The following MIER1 variants were observed in gnomAD, a reference collection of about 807,000 sequenced individuals.
The protein encoded by MIER1 is MIER1 transcriptional regulator, also known as mesoderm induction early response protein 1.
MIER1 carries 40 observed loss-of-function variants against 75.7 expected under a neutral mutation model. The observed-to-expected ratio is 0.53, with a 90% confidence interval of 0.41 to 0.69. MIER1 has a LOEUF of 0.69. Ranked by LOEUF, MIER1 falls within the 30% of genes least tolerant of loss-of-function variation. The probability of loss-of-function intolerance (pLI) is 0.00; values close to 1 mark genes in which losing one functional copy is unlikely to be tolerated. For missense variants in MIER1, 574 were observed against 680.2 expected, an observed-to-expected ratio of 0.84 and a Z score of 1.74; for synonymous variants, 213 against 223.4, an observed-to-expected ratio of 0.95 and a Z score of 0.42.
chr1:66,986,503 A>T lies in MIER1; in HGVS notation c.*1603A>T, dbSNP rs1227603455. 6.8e-7 allele frequency: 1 copy of T among 1,477,296 alleles called. No individual in the cohort carries two copies. Among genetic ancestry groups the T allele is most frequent in the South Asian group, 1.1e-5 (1 of 87,964 alleles). The allele number at this position is 1,477,296 out of a possible 1,614,324, so 91.5% of individuals were successfully genotyped here. A position where few individuals can be genotyped will look rare whatever the true frequency, so the allele number is the denominator to read the frequency against. Reference sequence around the variant, plus strand: ...TCTGTGGTCTTGTTTTTAATGGCTCAACTGTCTGATGTAATTGAGTGAAGG... The same window carrying T: ...TCTGTGGTCTTGTTTTTAATGGCTCTACTGTCTGATGTAATTGAGTGAAGG... On this transcript the variant is annotated 3_prime_UTR_variant, in exon 14 of 14. Transcript: ENST00000401041.
intron 3 of MIER1, among the ~76,000 whole-genome samples, chr1:66,945,006 T>G (rs929859551): frequency 1.3e-5 from 2 of 152,062 alleles, no homozygotes; most frequent in African/African-American, 4.8e-5. Flanking sequence ...TATTAAAGCA[T>G]GAGCAACTAC....
intron 8 of MIER1, among the ~76,000 whole-genome samples, chr1:66,967,060 G>A (rs1055822762): frequency 6.6e-6 from 1 of 152,098 alleles, no homozygotes. Flanking sequence ...TGCTTGTGGG[G>A]TATTATTCAG....
At chr1:66,936,351 C>G (rs1654835486) in intron 2 of MIER1, among the ~76,000 whole-genome samples, 3 of 151,362 alleles carry the variant, frequency 2.0e-5, no homozygotes, top group African/African-American at 7.3e-5. Context: ...TCCCAAGTAG[C>G]TGGGATTACA....
chr1:66,952,769 G>T (rs1404247922), intron 4 of MIER1, among the ~76,000 whole-genome samples: 1 of 152,180 alleles, frequency 6.6e-6, no homozygotes, highest in Non-Finnish European at 1.5e-5. Context: ...AGCCCCCCTA[G>T]TAGCTGGGAC....
chr1:66,957,607 T>TTC (rs1660418463), intron 4 of MIER1, among the ~76,000 whole-genome samples: 1 of 110,262 alleles, frequency 9.1e-6, no homozygotes, highest in East Asian at 2.7e-4. Flanking sequence ...TTTTTTTTTT[T>TTC]CATGTGTTCG....
At chr1:66,930,287 C>T in intron 2 of MIER1, 1 of 1,548,908 alleles carries the variant, frequency 6.5e-7, no homozygotes, top group African/African-American at 1.4e-5. Context: ...GCGGGAGCGG[C>T]AGAGACGGCA....
At chr1:66,927,923 G>T (rs1286263402) in intron 2 of MIER1, among the ~76,000 whole-genome samples, 1 of 151,996 alleles carries the variant, frequency 6.6e-6, no homozygotes, top group Non-Finnish European at 1.5e-5. Context: ...ATACTGAAGA[G>T]GGTAAGTAAG....
At position 66,972,589 on chromosome 1, in the gene MIER1, C is replaced by T. The variant is rs186476564; in HGVS notation, c.1007-308C>T. ...TTCTAAGCAAAGGAGAGACACCATG[C>T]ACAAAGTCTGAAGTAAGAAAGAACA... On this transcript the variant is annotated intron_variant, in intron 10 of 13. Coordinates refer to ENST00000401041, the MANE Select transcript of MIER1 (RefSeq NM_001077700.3). Among the ~76,000 whole-genome samples, 29 of 152,012 alleles carry T rather than the reference C, an allele frequency of 1.9e-4. 1 individual carries two copies. The East Asian group carries it at 3.1e-3, about 16-fold the overall frequency.
At chr1:66,953,659 A>G (rs1188942726) in intron 4 of MIER1, among the ~76,000 whole-genome samples, 4 of 149,384 alleles carry the variant, frequency 2.7e-5, no homozygotes, top group African/African-American at 9.9e-5. Context: ...GCTGGAGTGC[A>G]GTGACACAAT....
chr1:66,944,492 A>AAC (rs1657012432), intron 3 of MIER1, among the ~76,000 whole-genome samples: 1 of 151,408 alleles, frequency 6.6e-6, no homozygotes, highest in African/African-American at 2.4e-5. Context: ...CAGACTATGT[A>AAC]TGCCCAGCCT....
Position 66,985,268 on chromosome 1 carries a change from T to G in MIER1, c.*368T>G. Reference sequence around the variant, plus strand: ...ATCATAAAATTTCACTACAAGGTAATTTTTGCTTAGTTTGATGGATGAATG... The same window carrying G: ...ATCATAAAATTTCACTACAAGGTAAGTTTTGCTTAGTTTGATGGATGAATG... On this transcript the variant is annotated 3_prime_UTR_variant, in exon 14 of 14. Coordinates refer to ENST00000401041, the MANE Select transcript of MIER1 (RefSeq NM_001077700.3). 10 of 980,264 alleles carry G rather than the reference T, an allele frequency of 1.0e-5. No homozygotes were observed. Among genetic ancestry groups the G allele is most frequent in the Non-Finnish European group, 1.2e-5 (10 of 824,964 alleles). 60.7% of individuals were successfully genotyped at this position (980,264 alleles called of 1,614,324 possible).
chr1:66,964,398 T>C (rs1244360239), intron 8 of MIER1, among the ~76,000 whole-genome samples: 1 of 151,500 alleles, frequency 6.6e-6, no homozygotes, highest in Non-Finnish European at 1.5e-5. Flanking sequence ...AGAGTCTGTT[T>C]CAGATTATTC....
At chr1:66,983,565 T>G (rs143323736) in intron 13 of MIER1, among the ~76,000 whole-genome samples, 1 of 152,360 alleles carries the variant, frequency 6.6e-6, no homozygotes, top group East Asian at 1.9e-4. Context: ...ATTTTGCTTT[T>G]ACTTTTCTCA....
intron 11 of MIER1, among the ~76,000 whole-genome samples, chr1:66,975,764 C>T (rs1435054546): frequency 2.0e-5 from 3 of 152,110 alleles, no homozygotes; most frequent in Non-Finnish European, 4.4e-5. Flanking sequence ...ACTTAGTAAA[C>T]AAAGCATTAG....
intron 4 of MIER1, among the ~76,000 whole-genome samples, chr1:66,951,151 G>T (rs1223310094): frequency 6.6e-6 from 1 of 152,152 alleles, no homozygotes; most frequent in Admixed American, 6.5e-5. Flanking sequence ...TGAAATTAGG[G>T]CAGACTTAAC....
chr1:66,954,477 T>C (rs756838154), intron 4 of MIER1, among the ~76,000 whole-genome samples: 4 of 152,210 alleles, frequency 2.6e-5, no homozygotes, highest in Non-Finnish European at 5.9e-5. Flanking sequence ...ATGTCTGCTC[T>C]AATCAGGGTG....
chr1:66,945,708 A>G (rs1657464096), intron 3 of MIER1, among the ~76,000 whole-genome samples: 1 of 152,164 alleles, frequency 6.6e-6, no homozygotes, highest in Admixed American at 6.5e-5. Context: ...CCAAAAAAAT[A>G]TTAAAAAATT....
chr1:66,971,399 G>A (rs955045820), intron 9 of MIER1, among the ~76,000 whole-genome samples: 1 of 151,994 alleles, frequency 6.6e-6, no homozygotes, highest in Non-Finnish European at 1.5e-5. Flanking sequence ...GATATAAAAT[G>A]AATTCTTTTT....
intron 4 of MIER1, chr1:66,946,985 CCTT>C (rs1450253913): frequency 2.0e-5 from 20 of 985,246 alleles, no homozygotes; most frequent in Non-Finnish European, 1.2e-6. Flanking sequence ...TCAGTTTGGA[CCTT>C]CTTTTTTTCT....
Sources: allele counts gnomAD v4.1 joint callset (sites outside exome capture counted in the v4.1 genomes callset), GRCh38; gene constraint gnomAD v4.1.1; transcripts MANE v1.5; gene names NCBI Gene and HGNC (gene_info 2026-07-23, HGNC 2026-07-21).